NUP88: variants seen among roughly 807,000 people sequenced by gnomAD.
NUP88 encodes nucleoporin 88, also known as nuclear pore complex protein Nup88.
NUP88 carries 57 observed loss-of-function variants against 93.9 expected under a neutral mutation model. The observed-to-expected ratio is 0.61, with a 90% confidence interval of 0.49 to 0.76. The LOEUF (loss-of-function observed/expected upper bound fraction) is 0.76. Ranked by LOEUF, NUP88 falls within the 30% of genes least tolerant of loss-of-function variation. NUP88 has a pLI of 0.00. For synonymous variants in NUP88, 346 were observed against 336.8 expected, an observed-to-expected ratio of 1.03 and a Z score of -0.30; for missense variants, 911 against 901.0, an observed-to-expected ratio of 1.01 and a Z score of -0.14.
rs1017991022 is a variant in NUP88, at chr17:5,388,042, C to T, written c.1644-138G>A. Reference sequence around the variant, plus strand: ...TTGAGATGCAGTCTCGCTCTGTCACCCAGGCTGGAGTGCATTGGTGCTATC... The same window carrying T: ...TTGAGATGCAGTCTCGCTCTGTCACTCAGGCTGGAGTGCATTGGTGCTATC... On this transcript the variant is annotated intron_variant, in intron 11 of 16. Transcript: ENST00000573584. 33 of 899,292 alleles carry T rather than the reference C, an allele frequency of 3.7e-5. No individual in the cohort carries two copies. In the Admixed American group the frequency reaches 8.7e-4, roughly 24 times the overall value. The allele number at this position is 899,292 out of a possible 1,614,324, so 55.7% of individuals were successfully genotyped here. A position where few individuals can be genotyped will look rare whatever the true frequency, so the allele number is the denominator to read the frequency against.
intron 7 of NUP88, among the ~76,000 whole-genome samples, chr17:5,403,588 AGATGGAGGTT>A (rs1913297059): frequency 6.6e-6 from 1 of 152,168 alleles, no homozygotes; most frequent in African/African-American, 2.4e-5. Context: ...TGAACCTGGG[AGATGGAGGTT>A]GCAGTGAGTC....
At chr17:5,411,394 T>C (rs1183919593) in intron 3 of NUP88, among the ~76,000 whole-genome samples, 1 of 151,896 alleles carries the variant, frequency 6.6e-6, no homozygotes, top group Admixed American at 6.6e-5. Context: ...TGAAACCCCG[T>C]CTCTACTAAA....
intron 8 of NUP88, among the ~76,000 whole-genome samples, chr17:5,395,836 C>T (rs906416621): frequency 3.3e-5 from 5 of 151,976 alleles, no homozygotes; most frequent in Admixed American, 2.0e-4. Flanking sequence ...CTTTTTGAAA[C>T]GTAATTCACA....
rs149957523 is a variant in NUP88 at position 5,389,544 on chromosome 17, G to A, written c.1485-584C>T. The stretch of plus-strand genomic sequence containing the variant: ...TGTAATCCCAGCACTTTGGGAGGCC[G>A]AGGCAGGTGGATCACTTGAGGTCAG... On this transcript the variant is annotated intron_variant, in intron 10 of 16. Transcript: ENST00000573584. Among the ~76,000 whole-genome samples the A allele has an allele frequency of 7.7e-3, 1,166 of 152,208 alleles. 12 individuals are homozygous for A. Among genetic ancestry groups the A allele is most frequent in the African/African-American group, 0.027 (1,106 of 41,546 alleles).
At chr17:5,406,769 A>G (rs575395062) in intron 5 of NUP88, among the ~76,000 whole-genome samples, 25 of 150,898 alleles carry the variant, frequency 1.7e-4, no homozygotes, top group African/African-American at 2.2e-4. Context: ...GCTTTAAAAA[A>G]AAAAGAAAAG....
At chr17:5,393,055 C>T (rs1227877788) in intron 9 of NUP88, among the ~76,000 whole-genome samples, 1 of 151,838 alleles carries the variant, frequency 6.6e-6, no homozygotes, top group Admixed American at 6.6e-5. Flanking sequence ...CAGGGTCATA[C>T]GATTCTCCTG....
intron 10 of NUP88, among the ~76,000 whole-genome samples, chr17:5,390,249 A>G (rs575125782): frequency 6.6e-6 from 1 of 152,054 alleles, no homozygotes; most frequent in South Asian, 2.1e-4. Flanking sequence ...AGCTAGTGTG[A>G]CTAGGTTTTA....
At chr17:5,391,469 T>C in intron 10 of NUP88, 92 bp downstream of exon 10, 1 of 961,262 alleles carries the variant, frequency 1.0e-6, no homozygotes, top group Non-Finnish European at 1.6e-6. Flanking sequence ...ACCACACATG[T>C]ATAGCTTCAA....
At position 5,416,496 on chromosome 17, in the gene NUP88, A is replaced by C; in HGVS notation, c.467+17T>G. ...GTATATATAATAAATTATACAGATA[A>C]ATAGTATACAACTTACCTACAATTC... On this transcript the variant is annotated intron_variant, in intron 2 of 16. Transcript: ENST00000573584. 1 of 1,561,288 alleles carries C rather than the reference A, an allele frequency of 6.4e-7. No homozygotes were observed. The highest frequency in any genetic ancestry group is 8.7e-7 in the Non-Finnish European group (1 of 1,143,932).
intron 7 of NUP88, among the ~76,000 whole-genome samples, chr17:5,402,281 T>A (rs749869385): frequency 2.0e-5 from 3 of 150,998 alleles, no homozygotes; most frequent in Non-Finnish European, 4.4e-5. Flanking sequence ...CACTCCAGCT[T>A]GGGCAACAGG....
intron 6 of NUP88, among the ~76,000 whole-genome samples, chr17:5,404,563 G>A (rs1212622857): frequency 3.3e-5 from 5 of 151,444 alleles, no homozygotes; most frequent in African/African-American, 1.2e-4. Flanking sequence ...GCAGTGAGCC[G>A]AGATCACACC....
chr17:5,386,299 G>C lies in NUP88; in HGVS notation c.2163-30C>G, dbSNP rs1165497751. 5 of 1,516,240 alleles carry C rather than the reference G, an allele frequency of 3.3e-6. No homozygotes were observed. The African/African-American group carries it at 4.2e-5, about 13-fold the overall frequency. The allele number at this position is 1,516,240 out of a possible 1,614,324, so 93.9% of individuals were successfully genotyped here. A position where few individuals can be genotyped will look rare whatever the true frequency, so the allele number is the denominator to read the frequency against. ...AAAATTGTAAAGTCACTCACTTTTG[G>C]AATTATAATAAACCATTTATATGGA... On this transcript the variant is annotated intron_variant, in intron 16 of 16. Coordinates refer to ENST00000573584, the MANE Select transcript of NUP88 (RefSeq NM_002532.6).
At chr17:5,412,590 T>C (rs1913899961) in intron 3 of NUP88, among the ~76,000 whole-genome samples, 1 of 152,074 alleles carries the variant, frequency 6.6e-6, no homozygotes, top group South Asian at 2.1e-4. Flanking sequence ...CAGGAGCCAA[T>C]GGGAGCCAGA....
intron 9 of NUP88, among the ~76,000 whole-genome samples, chr17:5,392,630 C>T (rs893863194): frequency 1.3e-5 from 2 of 152,200 alleles, no homozygotes; most frequent in Admixed American, 6.5e-5. Flanking sequence ...GGTTCCCATG[C>T]GACCTTCCCT....
At chr17:5,395,857 A>G (rs1296661604) in intron 8 of NUP88, among the ~76,000 whole-genome samples, 1 of 152,188 alleles carries the variant, frequency 6.6e-6, no homozygotes, top group African/African-American at 2.4e-5. Context: ...GTACCATACA[A>G]GTCATCCATT....
intron 5 of NUP88, among the ~76,000 whole-genome samples, chr17:5,407,059 T>C (rs1407009315): frequency 6.6e-6 from 1 of 152,178 alleles, no homozygotes; most frequent in African/African-American, 2.4e-5. Flanking sequence ...GGGAAGGTAC[T>C]AAAGTTACCA....
intron 2 of NUP88, among the ~76,000 whole-genome samples, chr17:5,416,157 A>AGTATATATATATATATAT (rs1376858837): frequency 8.0e-6 from 1 of 125,398 alleles, no homozygotes. Flanking sequence ...AAAAAAAAAA[A>AGTATATATATATATATAT]AAAAAAAAAG....
chr17:5,386,572 T>A, intron 16 of NUP88, 136 bp downstream of exon 16: 1 of 720,662 alleles, frequency 1.4e-6, no homozygotes, highest in South Asian at 1.7e-5. Context: ...TCCCTATGTA[T>A]CATGTGGCTC....
chr17:5,394,873 G>C lies in NUP88; in HGVS notation c.1382+18C>G, dbSNP rs185861715. 1,750 of 1,537,518 alleles carry C rather than the reference G, an allele frequency of 1.1e-3. 2 individuals are homozygous for C. The highest frequency in any genetic ancestry group is 3.0e-3 in the Middle Eastern group (18 of 5,906). ...TGAACAATTGTTTTCTGATATACAA[G>C]GGAGGGAGAGTCCTTACCTGCAGGG... On this transcript the variant is annotated intron_variant, in intron 9 of 16. Coordinates refer to ENST00000573584, the MANE Select transcript of NUP88 (RefSeq NM_002532.6).
Sources: allele counts gnomAD v4.1 joint callset (sites outside exome capture counted in the v4.1 genomes callset), GRCh38; gene constraint gnomAD v4.1.1; transcripts MANE v1.5; gene names NCBI Gene and HGNC (gene_info 2026-07-23, HGNC 2026-07-21).